The following MYH6 variants were observed in gnomAD, a reference collection of about 807,000 sequenced individuals.
The protein encoded by MYH6 is myosin-6.
A neutral mutation model predicts 223.2 loss-of-function variants in MYH6; 126 were observed. The ratio of observed to expected loss-of-function variants is 0.56; its 90% CI spans 0.49 to 0.65. The LOEUF is 0.65. MYH6 is among the 30% of genes least tolerant of loss of function. The probability of loss-of-function intolerance (pLI) is 0.00; values close to 1 mark genes in which losing one functional copy is unlikely to be tolerated. For missense variants in MYH6, 2,040 were observed against 2,536.4 expected, an observed-to-expected ratio of 0.80 and a Z score of 4.20; for synonymous variants, 978 against 1,010.2, an observed-to-expected ratio of 0.97 and a Z score of 0.61.
chr14:23,393,331 T>C lies in MYH6; in HGVS notation c.3105+11A>G. 6 of 1,614,176 alleles carry C rather than the reference T, an allele frequency of 3.7e-6. No individual in the cohort carries two copies. Among genetic ancestry groups the C allele is most frequent in the Non-Finnish European group, 5.1e-6 (6 of 1,180,010 alleles). On this transcript the variant is annotated intron_variant, in intron 23 of 38. Transcript: ENST00000405093. ...TGCTCTGAGAGCAGGAGCATGGTTC[T>C]TACTACTCACATCATCCACCTGCTG...
At position 23,393,704 on chromosome 14, in the gene MYH6, C is replaced by A. The variant is rs144907522; in HGVS notation, c.2890G>T (p.Ala964Ser). ...GCATGCTTCTCCTTCTCCACCTTGG[C>A]CAGTGTCAGCTCCAGGTCATCAATG... ...KDIDDLELTL[A>S]KVEKEKHATE... is the part of the protein sequence containing the mutation. The change falls in exon 22 of 39, where the codon GCC (alanine) becomes TCC (serine). Residue 964 changes from alanine (A) to serine (S), a missense_variant. Ala to Ser is a moderately conservative substitution (Grantham distance 99, BLOSUM62 1). This residue lies in a region of MYH6 where 1,203 missense variants were observed against 1,400.2 expected (regional missense o/e 0.86). Transcript: ENST00000405093. 2.2e-4 allele frequency: 352 copies of A among 1,614,168 alleles called. No homozygotes were observed. In the African/African-American group the frequency reaches 4.0e-3, roughly 18 times the overall value.
intron 10 of MYH6, 87 bp from the exon 11 acceptor site, chr14:23,402,887 GCA>G: frequency 4.6e-6 from 3 of 645,844 alleles, no homozygotes; most frequent in Admixed American, 2.1e-5. Flanking sequence ...GGAGGGAGGG[GCA>G]GGGAGGGGTA....
Position 23,394,313 on chromosome 14 carries a change from G to A in MYH6, c.2440C>T (p.Leu814=), listed in dbSNP as rs150675144. 15 of 1,614,058 alleles carry A rather than the reference G, an allele frequency of 9.3e-6. No homozygotes were observed. The African/African-American group carries it at 2.0e-4, about 22-fold the overall frequency. ...GCCCGAATGTTCCACTGGATTACCAGCAGGGCATCCCTGGCAAGGAAACGT... is the reference window on the plus strand; with the variant it reads ...GCCCGAATGTTCCACTGGATTACCAACAGGGCATCCCTGGCAAGGAAACGT... The part of the protein sequence containing the change: ...KKIVERRDAL[L]VIQWNIRAFM... The change falls in exon 21 of 39, where the codon CTG becomes TTG. Residue 814 remains leucine (L), a synonymous_variant. Coordinates refer to ENST00000405093, the MANE Select transcript of MYH6 (RefSeq NM_002471.4).
chr14:23,395,150 C>T (rs1345073491), intron 20 of MYH6, among the ~76,000 whole-genome samples: 2 of 152,212 alleles, frequency 1.3e-5, no homozygotes, highest in Admixed American at 1.3e-4. Context: ...CAGGCATAAG[C>T]CACTGTGCCC....
intron 14 of MYH6, chr14:23,399,753 G>C (rs1277357689): frequency 5.1e-6 from 1 of 196,676 alleles, no homozygotes; most frequent in African/African-American, 2.3e-5. Context: ...CTGGGTGTGG[G>C]TCAGACAATC....
rs779709581 is a variant in MYH6, at chr14:23,407,255, G to A, written c.-13-19C>T. The A allele has an allele frequency of 4.3e-6, 7 of 1,613,230 alleles. No individual in the cohort carries two copies. Among genetic ancestry groups the A allele is most frequent in the Admixed American group, 3.3e-5 (2 of 60,016 alleles). Reference sequence around the variant, plus strand: ...GCTTCCCCTGGGTCAGAGACAGGAGGGCTATGTTACTCCTGAGGGAGCCCA... The same window carrying A: ...GCTTCCCCTGGGTCAGAGACAGGAGAGCTATGTTACTCCTGAGGGAGCCCA... On this transcript the variant is annotated intron_variant, in intron 2 of 38. Coordinates refer to ENST00000405093, the MANE Select transcript of MYH6 (RefSeq NM_002471.4). This position sits in a 1 kb window ranked among gnomAD's most constrained non-coding sequence, Gnocchi z 5.6.
Position 23,398,210 on chromosome 14 carries a change from G to A in MYH6, c.1891+518C>T, listed in dbSNP as rs140070850. ...TTTTTGTATTTTTAGTAGAGACGGG[G>A]TTTCACCATGTTGACCAGACTGGTC... is the stretch of plus-strand genomic sequence containing the variant. On this transcript the variant is annotated intron_variant, in intron 15 of 38. Coordinates refer to ENST00000405093, the MANE Select transcript of MYH6 (RefSeq NM_002471.4). 2.0e-3 allele frequency among the ~76,000 whole-genome samples: 297 copies of A among 152,060 alleles called. 5 individuals are homozygous for A. Among genetic ancestry groups the A allele is most frequent in the Middle Eastern group, 0.014 (4 of 294 alleles).
chr14:23,386,431 T>G lies in MYH6; in HGVS notation c.4843A>C (p.Arg1615=), dbSNP rs1285929768. 6.2e-7 allele frequency: 1 copy of G among 1,614,178 alleles called. No homozygotes were observed. Among genetic ancestry groups the G allele is most frequent in the East Asian group, 2.2e-5 (1 of 44,880 alleles). Reference sequence around the variant, plus strand: ...TCTCCTTCCATCTTCTTCTTCACCCTCAGGACCTCGTTGCGGCTGCGTGTC... The same window carrying G: ...TCTCCTTCCATCTTCTTCTTCACCCGCAGGACCTCGTTGCGGCTGCGTGTC... ...AETRSRNEVL[R]VKKKMEGDLN... Residue 1615 remains arginine, a synonymous_variant, in exon 33 of 39, where the codon AGG becomes CGG. Transcript: ENST00000405093.
chr14:23,387,690 T>C, intron 31 of MYH6, 37 bp from the exon 32 acceptor site: 1 of 1,614,090 alleles, frequency 6.2e-7, no homozygotes, highest in East Asian at 2.2e-5. Flanking sequence ...AAAGCCTATG[T>C]TCCCCCTGCC....
rs979381412 is a variant in MYH6, at chr14:23,383,452, G to A, written c.5566-132C>T. On this transcript the variant is annotated intron_variant, in intron 36 of 38. Coordinates refer to ENST00000405093, the MANE Select transcript of MYH6 (RefSeq NM_002471.4). ...CTGCAATGATCCAGGTCAAAGAGGTGGTGGGGAAGATTCTCTGACTCTATC... is the reference window on the plus strand; with the variant it reads ...CTGCAATGATCCAGGTCAAAGAGGTAGTGGGGAAGATTCTCTGACTCTATC... 4 of 726,308 alleles carry A rather than the reference G, an allele frequency of 5.5e-6. 1 individual carries two copies. In the Admixed American group the frequency reaches 6.6e-5, roughly 12 times the overall value. The allele number at this position is 726,308 out of a possible 1,614,324, so 45.0% of individuals were successfully genotyped here.
Position 23,405,687 on chromosome 14 carries a change from G to A in MYH6, c.285C>T (p.Phe95=). The A allele has an allele frequency of 5.6e-6, 9 of 1,614,180 alleles. No individual in the cohort carries two copies. Among genetic ancestry groups the A allele is most frequent in the Non-Finnish European group, 7.6e-6 (9 of 1,180,026 alleles). The change falls in exon 4 of 39, where the codon TTC becomes TTT. Residue 95 remains phenylalanine, a synonymous_variant. Transcript: ENST00000405093. This position sits in a 1 kb window ranked among gnomAD's most constrained non-coding sequence, Gnocchi z 4.7. ...TGAAAAGCACCGCGGGCTCGTGCAG[G>A]AAGGTCAGCATGGCCATGTCCTCAA... is the stretch of plus-strand genomic sequence containing the variant. ...DKIEDMAMLT[F]LHEPAVLFNL...
intron 29 of MYH6, 198 bp from the exon 30 acceptor site, chr14:23,388,536 T>A: frequency 1.1e-6 from 1 of 935,654 alleles, no homozygotes; most frequent in Non-Finnish European, 1.8e-6. Flanking sequence ...TGCAGTGGCA[T>A]CTGGGTGTCA....
At position 23,392,649 on chromosome 14, in the gene MYH6, C is replaced by T. The variant is rs752285574; in HGVS notation, c.3255G>A (p.Lys1085=). The stretch of plus-strand genomic sequence containing the variant: ...TGTTCTGCTGATTAATGTCAAACTC[C>T]TTCCTGCAGGAGAAGGGTGGGGGTG... ...KLQLEEKLKK[K]EFDINQQNSK... Residue 1085 remains lysine (K), a synonymous_variant, in exon 25 of 39, where the codon AAG becomes AAA. Coordinates refer to ENST00000405093, the MANE Select transcript of MYH6 (RefSeq NM_002471.4). The T allele has an allele frequency of 7.0e-7, 1 of 1,426,488 alleles. No individual in the cohort carries two copies. Among genetic ancestry groups the T allele is most frequent in the African/African-American group, 1.4e-5 (1 of 69,694 alleles). 88.4% of individuals were successfully genotyped at this position (1,426,488 alleles called of 1,614,324 possible). A position where few individuals can be genotyped will look rare whatever the true frequency, so the allele number is the denominator to read the frequency against.
rs267606906 is a variant in MYH6 at position 23,394,264 on chromosome 14, G to A, written c.2489C>T (p.Pro830Leu). The A allele has an allele frequency of 1.2e-6, 2 of 1,614,130 alleles. No homozygotes were observed. The highest frequency in any genetic ancestry group is 1.7e-6 in the Non-Finnish European group (2 of 1,180,040). Residue 830 changes from proline (P) to leucine (L), a missense_variant, in exon 21 of 39, where the codon CCC (proline) becomes CTC (leucine). Coordinates refer to ENST00000405093, the MANE Select transcript of MYH6 (RefSeq NM_002471.4). Reference protein sequence around the residue: ...IRAFMGVKNWPWMKLYFKIKP... With the variant: ...IRAFMGVKNWLWMKLYFKIKP... ...GATCTTGAAGTAGAGCTTCATCCAG[G>A]GCCAATTCTTGACCCCCATGAAGGC...
intron 36 of MYH6, 55 bp from the exon 37 acceptor site, chr14:23,383,375 CT>C: frequency 7.5e-7 from 1 of 1,334,886 alleles, no homozygotes; most frequent in South Asian, 1.2e-5. Context: ...ATGCAATCAC[CT>C]TTCCCTCCTC....
Position 23,387,864 on chromosome 14 carries a change from C to T in MYH6, c.4419G>A (p.Gln1473=), listed in dbSNP as rs1262829248. ...CTGTGCTGAGGGAGCGAGCCTCCTTCTGTGAGGACTCCAGCTCAGACTGCG... is the reference window on the plus strand; with the variant it reads ...CTGTGCTGAGGGAGCGAGCCTCCTTTTGTGAGGACTCCAGCTCAGACTGCG... ...EESQSELESS[Q]KEARSLSTEL... is the part of the protein sequence containing the mutation. The change falls in exon 31 of 39, where the codon CAG becomes CAA. Residue 1473 remains glutamine (Q), a synonymous_variant. Coordinates refer to ENST00000405093, the MANE Select transcript of MYH6 (RefSeq NM_002471.4). 2 of 1,614,112 alleles carry T rather than the reference C, an allele frequency of 1.2e-6. No homozygotes were observed. The highest frequency in any genetic ancestry group is 2.7e-5 in the African/African-American group (2 of 75,016).
intron 24 of MYH6, 101 bp from the exon 25 acceptor site, chr14:23,392,753 C>G: frequency 6.9e-7 from 1 of 1,448,958 alleles, no homozygotes; most frequent in Non-Finnish European, 9.6e-7. Flanking sequence ...GCACCTCCCC[C>G]TCCCCTCGCC....
intron 20 of MYH6, 106 bp from the exon 21 acceptor site, chr14:23,394,429 C>T: frequency 7.2e-7 from 1 of 1,397,876 alleles, no homozygotes. Flanking sequence ...TTCTTGTGCA[C>T]ACCCACCTCC....
In MYH6 at chr14:23,400,314, T is replaced by A. The variant is rs1017557276; in HGVS notation, c.1523A>T (p.Glu508Val). The A allele has an allele frequency of 3.1e-6, 5 of 1,614,072 alleles. No homozygotes were observed. In the African/African-American group the frequency reaches 6.7e-5, roughly 22 times the overall value. ...EQEEYKKEGIEWTFIDFGMDL... is the reference protein window; with the variant it reads ...EQEEYKKEGIVWTFIDFGMDL... ...CATGCCAAAGTCAATGAATGTCCAC[T>A]CAATGCCCTCCTTCTTGTACTCCTC... Residue 508 changes from glutamate to valine, a missense_variant, in exon 14 of 39, where the codon GAG becomes GTG. By Grantham distance (121) the Glu-to-Val change is moderately radical. Coordinates refer to ENST00000405093, the MANE Select transcript of MYH6 (RefSeq NM_002471.4).
Sources: gnomAD v4.1 joint callset for allele counts (sites outside exome capture counted in the v4.1 genomes callset) on GRCh38, gnomAD v4.1.1 for gene constraint, gnomAD v4.1.1 regional missense constraint, Gnocchi (gnomAD v3.1) non-coding constraint, MANE v1.5 for transcripts, NCBI Gene and HGNC (gene_info 2026-07-23, HGNC 2026-07-21) for gene names.